KANK1: variants seen among roughly 807,000 people sequenced by gnomAD.
KANK1 encodes KN motif and ankyrin repeat domain-containing protein 1.
A neutral mutation model predicts 106.2 loss-of-function variants in KANK1; 109 were observed. The ratio of observed to expected loss-of-function variants is 1.03; its 90% CI spans 0.88 to 1.20. The LOEUF (loss-of-function observed/expected upper bound fraction) is 1.20, where lower values mean the gene tolerates loss of function less well. Among genes scored for constraint, KANK1 ranks in the 50% most tolerant of loss-of-function variants. The pLI is 0.00. For missense variants in KANK1, 2,399 were observed against 1,710.7 expected, an observed-to-expected ratio of 1.40 and a Z score of -7.10; for synonymous variants, 873 against 652.2, an observed-to-expected ratio of 1.34 and a Z score of -5.16.
intron 1 of KANK1, among the ~76,000 whole-genome samples, chr9:606,604 G>C (rs1413539221): frequency 0.022 from 2,713 of 121,868 alleles, 395 homozygotes; most frequent in African/African-American, 0.091. Flanking sequence ...AAATATGTGT[G>C]TGTGTGTGTG....
chr9:673,471 A>G (rs1815692190), intron 1 of KANK1: 1 of 152,276 alleles, frequency 6.6e-6, no homozygotes, highest in Non-Finnish European at 1.5e-5. Context: ...CGGCCTCCCA[A>G]AGTGCTGGGA....
At chr9:744,379 G>A (rs1564146718) in intron 10 of KANK1, 112 bp from the exon 11 acceptor site, 1 of 1,233,010 alleles carries the variant, frequency 8.1e-7, no homozygotes, top group African/African-American at 1.5e-5. Flanking sequence ...GAACGAGTAG[G>A]GATATTTGGG....
intron 1 of KANK1, among the ~76,000 whole-genome samples, chr9:601,414 C>T (rs1042437361): frequency 2.0e-5 from 3 of 151,836 alleles, no homozygotes; most frequent in Non-Finnish European, 4.4e-5. Flanking sequence ...GTGACAGTTC[C>T]TTGTCATTCC....
intron 1 of KANK1, among the ~76,000 whole-genome samples, chr9:537,285 G>T (rs1225664830): frequency 1.3e-5 from 2 of 152,150 alleles, no homozygotes; most frequent in Admixed American, 6.5e-5. Flanking sequence ...GTTCCCTTGG[G>T]GAGGACGAGA....
chr9:544,065 G>A (rs1400429239), intron 1 of KANK1, among the ~76,000 whole-genome samples: 1 of 151,426 alleles, frequency 6.6e-6, no homozygotes, highest in Non-Finnish European at 1.5e-5. Flanking sequence ...CTGTTGCCCA[G>A]GCTGGAGTGC....
At chr9:508,120 CCTTTTTTTTTT>C in intron 1 of KANK1, among the ~76,000 whole-genome samples, 1 of 116,726 alleles carries the variant, frequency 8.6e-6, no homozygotes, top group African/African-American at 3.1e-5. Context: ...CCCTGCTCAG[CCTTTTTTTTTT>C]TTTTTTTTTT....
At chr9:704,992 C>CAAAAAA (rs71314728) in intron 2 of KANK1, among the ~76,000 whole-genome samples, 2 of 53,076 alleles carry the variant, frequency 3.8e-5, no homozygotes, top group Admixed American at 2.8e-4. Flanking sequence ...GACCCTGTCT[C>CAAAAAA]AAAAAAAAAA....
chr9:556,904 T>C (rs934747778), intron 1 of KANK1, among the ~76,000 whole-genome samples: 9 of 152,188 alleles, frequency 5.9e-5, no homozygotes, highest in African/African-American at 2.2e-4. Context: ...ATGGGGACTT[T>C]GGACTCCTGT....
intron 1 of KANK1, among the ~76,000 whole-genome samples, chr9:583,710 G>T (rs560196667): frequency 6.7e-6 from 1 of 150,054 alleles, no homozygotes; most frequent in African/African-American, 2.4e-5. Flanking sequence ...CCATTATATA[G>T]TAATATATAT....
At chr9:694,148 A>C (rs1820648381) in intron 2 of KANK1, among the ~76,000 whole-genome samples, 1 of 152,172 alleles carries the variant, frequency 6.6e-6, no homozygotes, top group Non-Finnish European at 1.5e-5. Context: ...ATATTCATTA[A>C]AGCTGGCTTC....
At chr9:714,802 T>C (rs1827245355) in intron 3 of KANK1, among the ~76,000 whole-genome samples, 1 of 152,210 alleles carries the variant, frequency 6.6e-6, no homozygotes, top group Admixed American at 6.5e-5. Context: ...CTGTGAGCCT[T>C]ACCAACCTGA....
intron 1 of KANK1, chr9:539,390 A>G (rs2060467944): frequency 6.6e-6 from 1 of 152,208 alleles, no homozygotes; most frequent in African/African-American, 2.4e-5. Context: ...AATACAGGAT[A>G]TCTTTCCATT....
intron 3 of KANK1, among the ~76,000 whole-genome samples, chr9:725,021 G>A (rs1030809141): frequency 6.6e-6 from 1 of 152,168 alleles, no homozygotes; most frequent in South Asian, 2.1e-4. Flanking sequence ...ACGTTGTTTG[G>A]ACCGCTGAAT....
intron 1 of KANK1, among the ~76,000 whole-genome samples, chr9:666,047 G>A (rs1844486355): frequency 6.6e-6 from 1 of 152,006 alleles, no homozygotes; most frequent in African/African-American, 2.4e-5. Context: ...CAGACGTGGT[G>A]GCATGTGCCT....
rs1825833877 is a variant in KANK1 at position 710,823 on chromosome 9, C to T, written c.57C>T (p.Leu19=). 6.3e-7 allele frequency: 1 copy of T among 1,597,936 alleles called. No individual in the cohort carries two copies. Residue 19 remains leucine, a synonymous_variant, in exon 3 of 12, where the codon CTC becomes CTT. Coordinates refer to ENST00000382297, the MANE Select transcript of KANK1 (RefSeq NM_015158.5). ...TTCTAGGAAAAGCAGGTGATATTCT[C>T]AGTGGAGACCAGGACAAGGAACAGA... ...GSASGKAGDI[L]SGDQDKEQKD... is the part of the protein sequence containing the mutation.
chr9:473,457 A>G (rs952942069), intron 3 of KANK1, among the ~76,000 whole-genome samples: 2 of 152,320 alleles, frequency 1.3e-5, no homozygotes, highest in Admixed American at 1.3e-4. Context: ...AAAGACCCCT[A>G]ATGGGACATC....
chr9:648,098 G>C (rs997473530), intron 1 of KANK1, among the ~76,000 whole-genome samples: 4 of 148,822 alleles, frequency 2.7e-5, no homozygotes, highest in Non-Finnish European at 5.9e-5. Flanking sequence ...CCGCATCCCG[G>C]GTTCAAGCAA....
At position 711,626 on chromosome 9, in the gene KANK1, T is replaced by C. The variant is rs1288919625; in HGVS notation, c.860T>C (p.Leu287Pro). ...GAGCAGGTGCGAACCATCCCTGTGCTCCAGGTAAAGATCTCTGTCTTGCAA... is the reference window on the plus strand; with the variant it reads ...GAGCAGGTGCGAACCATCCCTGTGCCCCAGGTAAAGATCTCTGTCTTGCAA... Reference protein sequence around the residue: ...LEEQVRTIPVLQVKISVLQEE... With the variant: ...LEEQVRTIPVPQVKISVLQEE... Residue 287 changes from leucine (L) to proline (P), a missense_variant, in exon 3 of 12, where the codon CTC (leucine) becomes CCC (proline). Transcript: ENST00000382297. The C allele has an allele frequency of 1.9e-6, 3 of 1,613,990 alleles. No homozygotes were observed. Among genetic ancestry groups the C allele is most frequent in the Admixed American group, 3.3e-5 (2 of 59,986 alleles).
intron 1 of KANK1, among the ~76,000 whole-genome samples, chr9:556,827 A>G (rs2061618097): frequency 1.3e-5 from 2 of 152,148 alleles, no homozygotes; most frequent in East Asian, 3.9e-4. Context: ...CTCGCTTGTT[A>G]CAGACTCACT....
Sources: allele counts gnomAD v4.1 joint callset (sites outside exome capture counted in the v4.1 genomes callset), GRCh38; gene constraint gnomAD v4.1.1; transcripts MANE v1.5; gene names NCBI Gene and HGNC (gene_info 2026-07-23, HGNC 2026-07-21).